The following NRXN1 variants were observed in gnomAD, a reference collection of about 807,000 sequenced individuals.
The protein encoded by NRXN1 is neurexin 1.
NRXN1 carries 39 observed loss-of-function variants against 150.9 expected under a neutral mutation model. The ratio of observed to expected loss-of-function variants is 0.26; its 90% CI spans 0.20 to 0.34. The LOEUF (loss-of-function observed/expected upper bound fraction) is 0.34. NRXN1 is among the 10% of genes least tolerant of loss of function. The pLI, the probability that NRXN1 is intolerant of heterozygous loss-of-function variation, is 1.00. For missense variants in NRXN1, 1,815 were observed against 1,949.9 expected, an observed-to-expected ratio of 0.93 and a Z score of 1.30; for synonymous variants, 924 against 757.0, an observed-to-expected ratio of 1.22 and a Z score of -3.62.
chr2:50,451,363 T>C (rs1200007606), intron 17 of NRXN1, among the ~76,000 whole-genome samples: 1 of 152,222 alleles, frequency 6.6e-6, no homozygotes, highest in Non-Finnish European at 1.5e-5. Context: ...TGCTCCATTT[T>C]CTACTTCACA....
rs1294742609 is a variant in NRXN1, at chr2:50,542,148, G to C, written c.1760-3512C>G. On this transcript the variant is annotated intron_variant, in intron 9 of 22. Coordinates refer to ENST00000401669, the MANE Select transcript of NRXN1 (RefSeq NM_001330078.2). ...AATACAAAATTAGCCGGGCACGGTG[G>C]TGCATGCCTGTAATCTCAGCTACTC... Among the ~76,000 whole-genome samples the C allele has an allele frequency of 2.6e-5, 4 of 152,224 alleles. No individual in the cohort carries two copies. In the East Asian group the frequency reaches 7.8e-4, roughly 30 times the overall value.
chr2:50,121,176 CA>C (rs1703802318), intron 18 of NRXN1, among the ~76,000 whole-genome samples: 1 of 152,022 alleles, frequency 6.6e-6, no homozygotes, highest in Non-Finnish European at 1.5e-5. Flanking sequence ...GGTGTGCCAC[CA>C]AACCTAGCTA....
intron 17 of NRXN1, among the ~76,000 whole-genome samples, chr2:50,390,138 A>G (rs949680103): frequency 1.3e-5 from 2 of 152,166 alleles, no homozygotes; most frequent in African/African-American, 2.4e-5. Flanking sequence ...ACAGGTAAAA[A>G]GCATGGATTT....
chr2:50,440,253 T>A (rs1285736764), intron 17 of NRXN1, among the ~76,000 whole-genome samples: 1 of 152,164 alleles, frequency 6.6e-6, no homozygotes, highest in Non-Finnish European at 1.5e-5. Context: ...AGAGAGAGTC[T>A]GGTTCCAGAT....
chr2:50,074,658 T>C (rs566079604), intron 19 of NRXN1, among the ~76,000 whole-genome samples: 1 of 152,300 alleles, frequency 6.6e-6, no homozygotes, highest in Non-Finnish European at 1.5e-5. Flanking sequence ...GCAGGATGAT[T>C]TGATAATCTT....
chr2:50,935,771 A>C (rs1688452444), intron 2 of NRXN1, among the ~76,000 whole-genome samples: 2 of 148,710 alleles, frequency 1.3e-5, no homozygotes, highest in African/African-American at 5.0e-5. Context: ...AAAGCAAAAG[A>C]AAAAAAAAAG....
chr2:50,417,748 T>C (rs983854824), intron 17 of NRXN1, among the ~76,000 whole-genome samples: 5 of 151,396 alleles, frequency 3.3e-5, no homozygotes, highest in African/African-American at 4.9e-5. Flanking sequence ...AATTGAGGCC[T>C]GGAAAAAGAG....
intron 22 of NRXN1, among the ~76,000 whole-genome samples, chr2:49,928,796 C>T (rs1000305620): frequency 2.6e-5 from 4 of 152,204 alleles, no homozygotes; most frequent in Middle Eastern, 3.4e-3. Flanking sequence ...TCGACTCATG[C>T]GGTGGTTTTG....
chr2:50,965,596 GT>G (rs2104734855), intron 2 of NRXN1, among the ~76,000 whole-genome samples: 1 of 151,408 alleles, frequency 6.6e-6, no homozygotes, highest in African/African-American at 2.4e-5. Flanking sequence ...TACTTGAATG[GT>G]TTTTAAAAGT....
intron 5 of NRXN1, among the ~76,000 whole-genome samples, chr2:50,642,444 G>A (rs1045199629): frequency 1.3e-5 from 2 of 151,932 alleles, no homozygotes; most frequent in African/African-American, 4.8e-5. Context: ...AATGAGTGAA[G>A]GTTTTGAGGT....
intron 17 of NRXN1, among the ~76,000 whole-genome samples, chr2:50,447,526 G>T (rs1329660791): frequency 7.0e-6 from 1 of 143,204 alleles, no homozygotes; most frequent in African/African-American, 2.6e-5. Flanking sequence ...CCCAGAAAAG[G>T]TCGATCTGAA....
intron 5 of NRXN1, among the ~76,000 whole-genome samples, chr2:50,632,084 T>A (rs970428293): frequency 6.6e-6 from 1 of 152,010 alleles, no homozygotes; most frequent in African/African-American, 2.4e-5. Flanking sequence ...TTTGTATTTA[T>A]AAACAGTCCT....
In NRXN1 at chr2:50,447,763, A is replaced by ATATATATATATATATATAGG. The variant is rs1291629332; in HGVS notation, c.3364+17678_3364+17679insCCTATATATATATATATATA. 1.8e-5 allele frequency among the ~76,000 whole-genome samples: 2 copies of ATATATATATATATATATAGG among 113,450 alleles called. 1 individual carries two copies. The highest frequency in any genetic ancestry group is 8.0e-5 in the African/African-American group (2 of 24,974). 74.4% of individuals were successfully genotyped at this position (113,450 alleles called of 152,430 possible). A position where few individuals can be genotyped will look rare whatever the true frequency, so the allele number is the denominator to read the frequency against. On this transcript the variant is annotated intron_variant, in intron 17 of 22. Coordinates refer to ENST00000401669, the MANE Select transcript of NRXN1 (RefSeq NM_001330078.2). ...TATATATATATATATATATATATAT[A>ATATATATATATATATATAGG]TATATATATATATATACCTAATTCC... is the stretch of plus-strand genomic sequence containing the variant.
At chr2:50,929,296 A>G (rs555059680) in intron 2 of NRXN1, among the ~76,000 whole-genome samples, 2 of 152,216 alleles carry the variant, frequency 1.3e-5, no homozygotes, top group East Asian at 3.9e-4. Flanking sequence ...CCAGTAAAAA[A>G]TTAAAATTTG....
intron 5 of NRXN1, among the ~76,000 whole-genome samples, chr2:50,766,201 A>G (rs1702365781): frequency 6.6e-6 from 1 of 152,000 alleles, no homozygotes; most frequent in Non-Finnish European, 1.5e-5. Context: ...TTTTCTATCC[A>G]TCAGAGGAAC....
At chr2:51,023,345 G>A (rs1286369055) in intron 2 of NRXN1, among the ~76,000 whole-genome samples, 1 of 152,150 alleles carries the variant, frequency 6.6e-6, no homozygotes, top group Non-Finnish European at 1.5e-5. Context: ...CCAGAAGGTT[G>A]TGCACTGCCT....
chr2:50,102,781 T>C (rs552263891), intron 18 of NRXN1, among the ~76,000 whole-genome samples: 3 of 152,142 alleles, frequency 2.0e-5, no homozygotes, highest in Admixed American at 6.6e-5. Context: ...CAGGGAGGGA[T>C]TGTACAAAGA....
chr2:50,733,099 G>A (rs1461082534), intron 5 of NRXN1, among the ~76,000 whole-genome samples: 1 of 152,096 alleles, frequency 6.6e-6, no homozygotes. Flanking sequence ...TGAGGAAAAG[G>A]CTTCTATTAA....
At chr2:50,722,597 TTAA>T (rs1191084912) in intron 5 of NRXN1, among the ~76,000 whole-genome samples, 1 of 152,194 alleles carries the variant, frequency 6.6e-6, no homozygotes, top group African/African-American at 2.4e-5. Context: ...TTAGCAAATG[TTAA>T]TAATGGTTAT....
Sources: allele counts gnomAD v4.1 joint callset (sites outside exome capture counted in the v4.1 genomes callset), GRCh38; gene constraint gnomAD v4.1.1; transcripts MANE v1.5; gene names NCBI Gene and HGNC (gene_info 2026-07-23, HGNC 2026-07-21).